Variants in GRIK2 observed in about 807,000 individuals in gnomAD.
GRIK2 encodes glutamate receptor ionotropic, kainate 2.
GRIK2 carries 32 observed loss-of-function variants against 100.3 expected under a neutral mutation model. That is an observed-to-expected ratio of 0.32 (90% CI 0.24 to 0.43). The LOEUF is 0.43. GRIK2 is among the 20% of genes least tolerant of loss of function. GRIK2 has a pLI of 1.00. For synonymous variants in GRIK2, 417 were observed against 389.4 expected (o/e 1.07, Z -0.83); for missense variants, 843 against 1,114.9 (o/e 0.76, Z 3.47).
chr6:101,553,032 T>C (rs938745051), intron 2 of GRIK2, among the ~76,000 whole-genome samples: 1 of 152,198 alleles, frequency 6.6e-6, no homozygotes, highest in Admixed American at 6.5e-5. Flanking sequence ...GTGAATATTT[T>C]ATCCTCATTC....
intron 4 of GRIK2, among the ~76,000 whole-genome samples, chr6:101,635,198 A>G (rs539518005): frequency 5.8e-4 from 88 of 152,298 alleles, no homozygotes; most frequent in Admixed American, 2.2e-3. Context: ...TTCCAAGTGC[A>G]AATACAATTA....
intron 7 of GRIK2, among the ~76,000 whole-genome samples, chr6:101,717,639 A>C (rs1321343288): frequency 6.6e-6 from 1 of 151,860 alleles, no homozygotes; most frequent in Non-Finnish European, 1.5e-5. Context: ...AATAGGACTG[A>C]AGCAGTTGCC....
intron 2 of GRIK2, among the ~76,000 whole-genome samples, chr6:101,445,973 T>G (rs1770351975): frequency 6.6e-6 from 1 of 152,064 alleles, no homozygotes; most frequent in Non-Finnish European, 1.5e-5. Flanking sequence ...CATAGGCACA[T>G]CTCATGCTTT....
rs189275494 is a variant in GRIK2 at position 102,069,054 on chromosome 6, G to A, written c.*543G>A. The A allele has an allele frequency of 6.8e-4, 103 of 151,648 alleles. No homozygotes were observed. Among genetic ancestry groups the A allele is most frequent in the African/African-American group, 2.3e-3 (97 of 41,456 alleles). 9.4% of individuals were successfully genotyped at this position (151,648 alleles called of 1,614,324 possible). On this transcript the variant is annotated 3_prime_UTR_variant, in exon 17 of 17. Transcript: ENST00000369134. ...ATGTGTTTATAGGATGTGAAAAAATGTAATGCAAAACAAATTTGAATCCCA... is the reference window on the plus strand; with the variant it reads ...ATGTGTTTATAGGATGTGAAAAAATATAATGCAAAACAAATTTGAATCCCA...
intron 2 of GRIK2, among the ~76,000 whole-genome samples, chr6:101,566,767 A>G (rs1299035983): frequency 6.7e-6 from 1 of 150,116 alleles, no homozygotes; most frequent in South Asian, 2.1e-4. Context: ...TTTTTATATA[A>G]TAGACATATG....
intron 2 of GRIK2, among the ~76,000 whole-genome samples, chr6:101,585,285 C>T (rs1778305070): frequency 6.6e-6 from 1 of 151,950 alleles, no homozygotes; most frequent in Non-Finnish European, 1.5e-5. Flanking sequence ...ATTAAAATGT[C>T]TGAAATTGTA....
chr6:101,681,930 C>A (rs1771285731), intron 5 of GRIK2, among the ~76,000 whole-genome samples: 1 of 151,920 alleles, frequency 6.6e-6, no homozygotes, highest in African/African-American at 2.4e-5. Context: ...AAGTTCTAAC[C>A]CAAAAGTCCT....
intron 11 of GRIK2, among the ~76,000 whole-genome samples, chr6:101,873,430 C>T (rs895695484): frequency 1.3e-5 from 2 of 151,694 alleles, no homozygotes; most frequent in Non-Finnish European, 2.9e-5. Context: ...TGAACTCATC[C>T]TTTTTTATGG....
At chr6:101,942,652 T>A (rs970681467) in intron 14 of GRIK2, among the ~76,000 whole-genome samples, 5 of 152,300 alleles carry the variant, frequency 3.3e-5, no homozygotes, top group South Asian at 4.1e-4. Flanking sequence ...TCTGTGGAAC[T>A]TTGAGCTTGA....
At chr6:101,426,784 T>A (rs1033458048) in intron 2 of GRIK2, among the ~76,000 whole-genome samples, 1 of 152,120 alleles carries the variant, frequency 6.6e-6, no homozygotes, top group African/African-American at 2.4e-5. Flanking sequence ...TTTTCTTCCC[T>A]TTCACCCTTC....
intron 2 of GRIK2, among the ~76,000 whole-genome samples, chr6:101,579,270 A>C (rs182850822): frequency 9.9e-5 from 15 of 152,254 alleles, no homozygotes; most frequent in African/African-American, 3.4e-4. Flanking sequence ...TTAAGATTCA[A>C]AATGAAGGTT....
intron 9 of GRIK2, among the ~76,000 whole-genome samples, chr6:101,815,481 A>C (rs944439781): frequency 6.6e-6 from 1 of 152,216 alleles, no homozygotes; most frequent in Middle Eastern, 3.4e-3. Context: ...TTATTACACA[A>C]ATCATGATAT....
At chr6:101,567,690 A>G (rs181808486) in intron 2 of GRIK2, among the ~76,000 whole-genome samples, 2 of 152,080 alleles carry the variant, frequency 1.3e-5, no homozygotes, top group East Asian at 1.9e-4. Context: ...ACCTTAATCA[A>G]TAAAGTTACA....
At chr6:101,899,093 GTTGTTT>G (rs1236973428) in intron 12 of GRIK2, among the ~76,000 whole-genome samples, 1 of 136,028 alleles carries the variant, frequency 7.4e-6, no homozygotes, top group African/African-American at 2.7e-5. Context: ...GTTTCTTTTT[GTTGTTT>G]TTGTTTTTTT....
intron 14 of GRIK2, among the ~76,000 whole-genome samples, chr6:101,943,572 C>T (rs572809179): frequency 6.8e-4 from 104 of 152,208 alleles, no homozygotes; most frequent in Non-Finnish European, 1.0e-3. Context: ...CTTGGGAGCC[C>T]ACCTCTTGCA....
chr6:102,060,146 T>C (rs982069626), intron 16 of GRIK2, among the ~76,000 whole-genome samples: 1 of 150,838 alleles, frequency 6.6e-6, no homozygotes, highest in Non-Finnish European at 1.5e-5. Context: ...TAGGACATAG[T>C]CTACTTTGGT....
At chr6:101,551,448 G>A (rs1437608570) in intron 2 of GRIK2, among the ~76,000 whole-genome samples, 3 of 152,066 alleles carry the variant, frequency 2.0e-5, no homozygotes, top group African/African-American at 7.2e-5. Flanking sequence ...TTGAGGGTGG[G>A]ATAAAATTTT....
At chr6:101,942,115 T>C (rs1317004933) in intron 14 of GRIK2, among the ~76,000 whole-genome samples, 1 of 152,074 alleles carries the variant, frequency 6.6e-6, no homozygotes, top group African/African-American at 2.4e-5. Context: ...AAACACAGAT[T>C]TATTATAATT....
chr6:101,803,748 G>C (rs1195002390), intron 9 of GRIK2, among the ~76,000 whole-genome samples: 1 of 152,016 alleles, frequency 6.6e-6, no homozygotes, highest in African/African-American at 2.4e-5. Context: ...AAATGGCAGT[G>C]CTCTTCATAT....
Sources: gnomAD v4.1 joint callset for allele counts (sites outside exome capture counted in the v4.1 genomes callset) on GRCh38, gnomAD v4.1.1 for gene constraint, MANE v1.5 for transcripts, NCBI Gene and HGNC (gene_info 2026-07-23, HGNC 2026-07-21) for gene names.